The following TTLL6 variants were observed in gnomAD, a reference collection of about 807,000 sequenced individuals.
TTLL6 encodes the protein tubulin polyglutamylase TTLL6.
A neutral mutation model predicts 96.4 loss-of-function variants in TTLL6; 75 were observed. That is an observed-to-expected ratio of 0.78 (90% CI 0.65 to 0.94). The LOEUF (loss-of-function observed/expected upper bound fraction) is 0.94, where lower values mean the gene tolerates loss of function less well. Among genes scored for constraint, TTLL6 ranks in the 40% least tolerant of loss-of-function variants. The pLI is 0.00. For synonymous variants in TTLL6, 411 were observed against 419.4 expected (o/e 0.98, Z 0.24); for missense variants, 1,030 against 1,093.0 (o/e 0.94, Z 0.81).
At chr17:48,801,221 G>C (rs1374426470) in intron 5 of TTLL6, 34 bp downstream of exon 5, 4 of 1,536,514 alleles carry the variant, frequency 2.6e-6, no homozygotes, top group Non-Finnish European at 3.5e-6. Context: ...GGGGAGGGGA[G>C]TGGAGAAGGA....
chr17:48,814,633 G>A (rs529541420), intron 1 of TTLL6, among the ~76,000 whole-genome samples: 1 of 152,266 alleles, frequency 6.6e-6, no homozygotes, highest in East Asian at 1.9e-4. Context: ...ACTGGGACGG[G>A]TCCACTGGGA....
chr17:48,809,653 G>A lies in TTLL6; in HGVS notation c.104-4662C>T, dbSNP rs937994403. Among the ~76,000 whole-genome samples, 35 of 152,040 alleles carry A rather than the reference G, an allele frequency of 2.3e-4. 1 individual carries two copies. The highest frequency in any genetic ancestry group is 8.2e-4 in the African/African-American group (34 of 41,460). On this transcript the variant is annotated intron_variant, in intron 1 of 15. Coordinates refer to ENST00000393382, the MANE Select transcript of TTLL6 (RefSeq NM_001130918.3). ...GTGAGAGGATTGCTTGAGCCCAGGA[G>A]TTCAAAACCCGCCTGGGCAACAAAG...
At chr17:48,774,233 G>GTTTTT (rs1218981467) in intron 13 of TTLL6, among the ~76,000 whole-genome samples, 1 of 112,924 alleles carries the variant, frequency 8.9e-6, no homozygotes, top group African/African-American at 3.2e-5. Flanking sequence ...CAGGTTTGTT[G>GTTTTT]TTTTTTTTTT....
chr17:48,774,732 T>C (rs2038837294), intron 13 of TTLL6, among the ~76,000 whole-genome samples: 1 of 152,186 alleles, frequency 6.6e-6, no homozygotes, highest in Admixed American at 6.6e-5. Flanking sequence ...GATAGTCTTA[T>C]ATCTACTTTT....
rs774289922 is a variant in TTLL6, at chr17:48,794,267, G to A, written c.998+1794C>T. 174 of 1,613,810 alleles carry A rather than the reference G, an allele frequency of 1.1e-4. 1 individual carries two copies. Among genetic ancestry groups the A allele is most frequent in the Non-Finnish European group, 1.5e-4 (172 of 1,180,006 alleles). On this transcript the variant is annotated intron_variant, in intron 8 of 15. Transcript: ENST00000393382. ...CGAGGGCCCAGGGCCTGCTGTTGGG[G>A]TGCCAATTCTCATTGGAGGAGGAAA... is the stretch of plus-strand genomic sequence containing the variant.
intron 4 of TTLL6, 50 bp downstream of exon 4, chr17:48,801,475 G>T: frequency 1.9e-6 from 3 of 1,550,582 alleles, no homozygotes; most frequent in Non-Finnish European, 2.6e-6. Context: ...ATGGGGCCCC[G>T]CCGGGTAAGA....
At chr17:48,788,453 T>C (rs976007701) in intron 10 of TTLL6, among the ~76,000 whole-genome samples, 1 of 152,112 alleles carries the variant, frequency 6.6e-6, no homozygotes, top group Non-Finnish European at 1.5e-5. Context: ...CTGGGGGAAG[T>C]GGGGGTCAGA....
intron 15 of TTLL6, 116 bp from the exon 16 acceptor site, chr17:48,763,089 C>T: frequency 2.8e-6 from 1 of 363,240 alleles, no homozygotes; most frequent in Non-Finnish European, 5.3e-6. Context: ...GCTTAGGTGA[C>T]TTATATCTGT....
At chr17:48,792,446 G>A (rs1218079269) in intron 8 of TTLL6, among the ~76,000 whole-genome samples, 1 of 152,176 alleles carries the variant, frequency 6.6e-6, no homozygotes, top group Non-Finnish European at 1.5e-5. Context: ...GAAGGAGGAG[G>A]TGCAGGGGAG....
intron 3 of TTLL6, among the ~76,000 whole-genome samples, chr17:48,801,876 C>T (rs2039421830): frequency 6.6e-6 from 1 of 151,690 alleles, no homozygotes; most frequent in Non-Finnish European, 1.5e-5. Context: ...AAAACCCCAC[C>T]TCTACTAAAA....
At chr17:48,781,520 T>C (rs2038984881) in intron 13 of TTLL6, among the ~76,000 whole-genome samples, 1 of 152,210 alleles carries the variant, frequency 6.6e-6, no homozygotes, top group African/African-American at 2.4e-5. Context: ...GAGGTGATAT[T>C]TCATGGTTTT....
At position 48,789,933 on chromosome 17, in the gene TTLL6, C is replaced by T. The variant is rs1304474864; in HGVS notation, c.1398G>A (p.Met466Ile). The T allele has an allele frequency of 6.2e-7, 1 of 1,613,998 alleles. No individual in the cohort carries two copies. The highest frequency in any genetic ancestry group is 8.5e-7 in the Non-Finnish European group (1 of 1,179,922). The change falls in exon 10 of 16, where the codon ATG becomes ATA. Residue 466 changes from methionine (M) to isoleucine (I), a missense_variant and splice_region_variant. Physicochemically the swap from Met to Ile is conservative, Grantham distance 10. Transcript: ENST00000393382. Reference protein sequence around the residue: ...QFLQQCCSREMRIEEAKGFRA... With the variant: ...QFLQQCCSREIRIEEAKGFRA... Reference sequence around the variant, plus strand: ...AAGGCTGGGGAGTGCGAATGTACCTCATCTCCCGAGAACAACACTGCTGCA... The same window carrying T: ...AAGGCTGGGGAGTGCGAATGTACCTTATCTCCCGAGAACAACACTGCTGCA...
chr17:48,790,141 C>T (rs374821036), intron 9 of TTLL6, 35 bp from the exon 10 acceptor site: 18 of 1,606,854 alleles, frequency 1.1e-5, no homozygotes, highest in African/African-American at 6.7e-5. Flanking sequence ...GTGACAAAGC[C>T]GTCCAGAATG....
intron 9 of TTLL6, among the ~76,000 whole-genome samples, chr17:48,790,946 G>C (rs569541641): frequency 6.6e-6 from 1 of 152,128 alleles, no homozygotes; most frequent in Non-Finnish European, 1.5e-5. Flanking sequence ...CATCCATTTC[G>C]GTGGCAGCAG....
At chr17:48,789,865 A>T in intron 10 of TTLL6, 66 bp downstream of exon 10, 1 of 1,562,214 alleles carries the variant, frequency 6.4e-7, no homozygotes, top group Non-Finnish European at 8.7e-7. Context: ...CCCAGGACAG[A>T]TCATTCTTAT....
intron 10 of TTLL6, among the ~76,000 whole-genome samples, chr17:48,789,212 T>G (rs775076237): frequency 6.6e-6 from 1 of 152,156 alleles, no homozygotes; most frequent in Non-Finnish European, 1.5e-5. Flanking sequence ...TATAGCTATA[T>G]ATCTGTAACT....
At chr17:48,797,787 CAAAAA>C (rs58265844) in intron 6 of TTLL6, among the ~76,000 whole-genome samples, 1 of 58,634 alleles carries the variant, frequency 1.7e-5, no homozygotes, top group Admixed American at 2.2e-4. Context: ...AACTCCATCT[CAAAAA>C]AAAAAAAAAA....
At chr17:48,789,277 C>T (rs966975859) in intron 10 of TTLL6, among the ~76,000 whole-genome samples, 1 of 152,186 alleles carries the variant, frequency 6.6e-6, no homozygotes, top group Non-Finnish European at 1.5e-5. Flanking sequence ...ATTCAAACTG[C>T]TACATTCTGC....
rs2039329564 is a variant in TTLL6, at chr17:48,797,083, GAGTA to G, written c.886_889del (p.Tyr296ProfsTer15). 6.4e-7 allele frequency: 1 copy of G among 1,551,504 alleles called. No individual in the cohort carries two copies. The highest frequency in any genetic ancestry group is 8.7e-7 in the Non-Finnish European group (1 of 1,146,972). Reference sequence around the variant, plus strand: ...CACCAGGTTGTCTGTGCAAGGGCGGGAGTAAGAGGTCGTCGCAAAGCGGGCCAGT... The same window carrying G: ...CACCAGGTTGTCTGTGCAAGGGCGGGAGAGGTCGTCGCAAAGCGGGCCAGT... On this transcript the variant is annotated frameshift_variant, in exon 7 of 16. Transcript: ENST00000393382. LOFTEE classifies it high-confidence loss of function.
Sources: gnomAD v4.1 joint callset for allele counts (sites outside exome capture counted in the v4.1 genomes callset) on GRCh38, gnomAD v4.1.1 for gene constraint, MANE v1.5 for transcripts, NCBI Gene and HGNC (gene_info 2026-07-23, HGNC 2026-07-21) for gene names.